The following CNOT10 variants were observed in gnomAD, a reference collection of about 807,000 sequenced individuals.
The protein encoded by CNOT10 is CCR4-NOT transcription complex subunit 10.
CNOT10 carries 30 observed loss-of-function variants against 94.6 expected under a neutral mutation model. The ratio of observed to expected loss-of-function variants is 0.32; its 90% CI spans 0.24 to 0.43. The LOEUF (loss-of-function observed/expected upper bound fraction) is 0.43, where lower values mean the gene tolerates loss of function less well. Among genes scored for constraint, CNOT10 ranks in the 20% least tolerant of loss-of-function variants. The pLI, the probability that CNOT10 is intolerant of heterozygous loss-of-function variation, is 1.00. For missense variants in CNOT10, 759 were observed against 877.2 expected, an observed-to-expected ratio of 0.87 and a Z score of 1.70; for synonymous variants, 289 against 301.6, an observed-to-expected ratio of 0.96 and a Z score of 0.43.
At chr3:32,721,854 G>A (rs899519559) in intron 8 of CNOT10, among the ~76,000 whole-genome samples, 6 of 150,140 alleles carry the variant, frequency 4.0e-5, no homozygotes, top group African/African-American at 7.4e-5. Flanking sequence ...GGGTTTCACC[G>A]TGTTAGCCAG....
chr3:32,731,428 T>C (rs1698948948), intron 10 of CNOT10, among the ~76,000 whole-genome samples: 1 of 152,212 alleles, frequency 6.6e-6, no homozygotes, highest in Non-Finnish European at 1.5e-5. Flanking sequence ...GATGTCATTA[T>C]AAGATAACTA....
intron 12 of CNOT10, among the ~76,000 whole-genome samples, chr3:32,735,422 A>G (rs949097494): frequency 5.3e-5 from 8 of 152,106 alleles, no homozygotes; most frequent in Non-Finnish European, 1.2e-4. Flanking sequence ...TTTAAAAAAA[A>G]TTTGGCCAGG....
chr3:32,708,645 A>G (rs1697732039), intron 3 of CNOT10, 25 bp from the exon 4 acceptor site: 1 of 1,582,624 alleles, frequency 6.3e-7, no homozygotes, highest in Admixed American at 2.0e-5. Context: ...ATGTTAAAAT[A>G]TAACCTCTGT....
intron 13 of CNOT10, among the ~76,000 whole-genome samples, chr3:32,749,063 C>T (rs976634217): frequency 6.6e-6 from 1 of 152,136 alleles, no homozygotes; most frequent in African/African-American, 2.4e-5. Context: ...CTCAGGTGAT[C>T]CACCTGCCTC....
At chr3:32,715,683 T>C (rs927899993) in intron 5 of CNOT10, among the ~76,000 whole-genome samples, 2 of 152,090 alleles carry the variant, frequency 1.3e-5, no homozygotes, top group African/African-American at 4.8e-5. Context: ...CTATGAAAAA[T>C]TAAAATTGTA....
At chr3:32,694,137 A>C (rs1437827525) in intron 1 of CNOT10, among the ~76,000 whole-genome samples, 1 of 14,748 alleles carries the variant, frequency 6.8e-5, no homozygotes, top group East Asian at 1.4e-3. Flanking sequence ...TCACTTGATA[A>C]ATTTTTTTTT....
intron 10 of CNOT10, among the ~76,000 whole-genome samples, chr3:32,729,844 C>G (rs1698858629): frequency 7.4e-6 from 1 of 135,654 alleles, no homozygotes; most frequent in Non-Finnish European, 1.5e-5. Context: ...TCTCGGCTCA[C>G]TGCAAGCTCC....
chr3:32,764,882 CTTTG>C (rs1700598557), intron 17 of CNOT10, 73 bp downstream of exon 17: 5 of 1,577,380 alleles, frequency 3.2e-6, no homozygotes, highest in Non-Finnish European at 4.3e-6. Flanking sequence ...TTTTTTGTTA[CTTTG>C]TTTGAAGCAT....
At chr3:32,704,341 C>T (rs1199159015) in intron 2 of CNOT10, among the ~76,000 whole-genome samples, 1 of 151,988 alleles carries the variant, frequency 6.6e-6, no homozygotes, top group Non-Finnish European at 1.5e-5. Context: ...TAAAATGGAA[C>T]CCCAAAACTT....
intron 1 of CNOT10, among the ~76,000 whole-genome samples, chr3:32,700,394 C>G (rs949356206): frequency 2.0e-5 from 3 of 152,176 alleles, no homozygotes; most frequent in African/African-American, 7.2e-5. Context: ...TGCCCCAGTT[C>G]CACTTTGTAG....
rs1274853894 is a variant in CNOT10 at position 32,744,648 on chromosome 3, T to C, written c.1595+7158T>C. Among the ~76,000 whole-genome samples the C allele has an allele frequency of 2.0e-5, 3 of 152,282 alleles. No homozygotes were observed. In the East Asian group the frequency reaches 5.8e-4, roughly 29 times the overall value. On this transcript the variant is annotated intron_variant, in intron 13 of 18. Coordinates refer to ENST00000328834, the MANE Select transcript of CNOT10 (RefSeq NM_015442.3). Reference sequence around the variant, plus strand: ...AATGTGGCCCCAAATTAGGAAAACGTCTCAGAAATCAACTAACTAGTTTAA... The same window carrying C: ...AATGTGGCCCCAAATTAGGAAAACGCCTCAGAAATCAACTAACTAGTTTAA...
At chr3:32,734,642 G>T (rs1196004365) in intron 11 of CNOT10, among the ~76,000 whole-genome samples, 158 bp from the exon 12 acceptor site, 1 of 151,944 alleles carries the variant, frequency 6.6e-6, no homozygotes, top group African/African-American at 2.4e-5. Context: ...TTAGGATTTG[G>T]GTTCTTTAGC....
chr3:32,771,154 C>G (rs1327863487), intron 18 of CNOT10, among the ~76,000 whole-genome samples: 1 of 151,738 alleles, frequency 6.6e-6, no homozygotes, highest in East Asian at 2.0e-4. Flanking sequence ...TGGCAAAACC[C>G]CATCTCTACA....
chr3:32,702,020 G>A (rs537500972), intron 1 of CNOT10, among the ~76,000 whole-genome samples: 3 of 151,118 alleles, frequency 2.0e-5, no homozygotes, highest in Non-Finnish European at 2.9e-5. Flanking sequence ...GTATGGCCTC[G>A]ATCTCCTGAC....
At position 32,727,805 on chromosome 3, in the gene CNOT10, G is replaced by A; in HGVS notation, c.1150G>A (p.Val384Ile). Residue 384 changes from valine to isoleucine, a missense_variant, in exon 10 of 19, where the codon GTT becomes ATT. Physicochemically the swap from Val to Ile is conservative, Grantham distance 29 (BLOSUM62 3). This residue lies in a region of CNOT10 where 682 missense variants were observed against 799.4 expected (regional missense o/e 0.85). Transcript: ENST00000328834. The part of the protein sequence containing the change: ...AFECLIEAVQ[V>I]YHANPRLWLR... The stretch of plus-strand genomic sequence containing the variant: ...CGAATGTCTGATTGAAGCTGTTCAG[G>A]TTTATCATGCAAATCCTCGCCTCTG... The A allele has an allele frequency of 6.2e-7, 1 of 1,613,788 alleles. No homozygotes were observed.
chr3:32,711,882 C>G (rs1697904809), intron 4 of CNOT10, among the ~76,000 whole-genome samples: 1 of 152,112 alleles, frequency 6.6e-6, no homozygotes, highest in Non-Finnish European at 1.5e-5. Flanking sequence ...CAGTGAGATT[C>G]CCTTGGAGAT....
At chr3:32,717,012 C>T in intron 6 of CNOT10, 142 bp from the exon 7 acceptor site, 1 of 540,448 alleles carries the variant, frequency 1.9e-6, no homozygotes, top group Non-Finnish European at 3.3e-6. Context: ...GTGAAAATAG[C>T]ATATTTTCTA....
At chr3:32,748,573 C>T (rs1371353276) in intron 13 of CNOT10, among the ~76,000 whole-genome samples, 3 of 152,096 alleles carry the variant, frequency 2.0e-5, no homozygotes, top group Non-Finnish European at 4.4e-5. Context: ...AGTGCAGTAG[C>T]GCAGTCTTGG....
At chr3:32,741,944 G>A (rs1699487830) in intron 13 of CNOT10, among the ~76,000 whole-genome samples, 1 of 151,566 alleles carries the variant, frequency 6.6e-6, no homozygotes, top group Admixed American at 6.6e-5. Flanking sequence ...TGATATTTGT[G>A]TGTGTTGTAG....
Sources: allele counts gnomAD v4.1 joint callset (sites outside exome capture counted in the v4.1 genomes callset), GRCh38; gene constraint gnomAD v4.1.1; regional missense constraint gnomAD v4.1.1; transcripts MANE v1.5; gene names NCBI Gene and HGNC (gene_info 2026-07-23, HGNC 2026-07-21).